GALK2: variants seen among roughly 807,000 people sequenced by gnomAD.
GALK2 encodes galactokinase 2, also known as N-acetylgalactosamine kinase.
In GALK2, 36 loss-of-function variants were observed where a neutral mutation model predicts 52.4. The observed-to-expected ratio is 0.69, with a 90% CI of 0.53 to 0.91. The LOEUF is 0.91. Ranked by LOEUF, GALK2 falls within the 40% of genes least tolerant of loss-of-function variation. The pLI, the probability that GALK2 is intolerant of heterozygous loss-of-function variation, is 0.00. For synonymous variants in GALK2, 176 were observed against 199.1 expected (o/e 0.88, Z 0.98); for missense variants, 579 against 559.1 (o/e 1.04, Z -0.36).
intron 8 of GALK2, among the ~76,000 whole-genome samples, chr15:49,295,241 A>G (rs1339471414): frequency 2.0e-5 from 3 of 152,020 alleles, no homozygotes; most frequent in South Asian, 2.1e-4. Context: ...AATCCAAGGT[A>G]TGGATAACTG....
At chr15:49,229,013 G>A (rs1295159612) in intron 3 of GALK2, among the ~76,000 whole-genome samples, 2 of 151,908 alleles carry the variant, frequency 1.3e-5, no homozygotes, top group Non-Finnish European at 2.9e-5. Flanking sequence ...CTTTTTAAAT[G>A]TCATTACTTT....
intron 9 of GALK2, among the ~76,000 whole-genome samples, chr15:49,323,253 C>A (rs572946579): frequency 2.6e-5 from 4 of 152,142 alleles, no homozygotes; most frequent in Non-Finnish European, 1.5e-5. Context: ...GTGTGAGCCA[C>A]TGGTGCCACA....
At chr15:49,183,499 C>G (rs1324611115) in intron 1 of GALK2, among the ~76,000 whole-genome samples, 1 of 152,050 alleles carries the variant, frequency 6.6e-6, no homozygotes, top group Non-Finnish European at 1.5e-5. Flanking sequence ...AGTTTTATTC[C>G]ATTGTTTTCA....
intron 5 of GALK2, among the ~76,000 whole-genome samples, chr15:49,271,247 G>A (rs990491166): frequency 6.6e-6 from 1 of 152,138 alleles, no homozygotes; most frequent in Non-Finnish European, 1.5e-5. Context: ...CCATCAGGCC[G>A]GCCAGGCTCC....
chr15:49,329,894 TA>T lies in GALK2; in HGVS notation c.*1740del, dbSNP rs1392540373. ...TGATTTCTTCTTCACAAAAGGTGAG[TA>T]AAAATTTCCAATGTGCACTCTTCTT... On this transcript the variant is annotated 3_prime_UTR_variant, in exon 10 of 10. Coordinates refer to ENST00000560031, the MANE Select transcript of GALK2 (RefSeq NM_002044.4). 4.9e-6 allele frequency: 2 copies of T among 410,310 alleles called. No individual in the cohort carries two copies. Among genetic ancestry groups the T allele is most frequent in the Non-Finnish European group, 3.3e-6 (1 of 305,136 alleles). The allele number at this position is 410,310 out of a possible 1,614,324, so 25.4% of individuals were successfully genotyped here.
chr15:49,282,705 GC>G (rs910056367), intron 6 of GALK2, among the ~76,000 whole-genome samples: 76 of 152,128 alleles, frequency 5.0e-4, no homozygotes, highest in African/African-American at 1.8e-3. Context: ...CCAAAATAGA[GC>G]AAACATTTCT....
intron 3 of GALK2, among the ~76,000 whole-genome samples, chr15:49,360,715 A>G (rs2044073002): frequency 1.3e-5 from 2 of 152,206 alleles, no homozygotes; most frequent in South Asian, 4.1e-4. Context: ...ATATCAAGTG[A>G]CCAAGTTTTT....
chr15:49,181,885 A>G (rs1426501822), intron 1 of GALK2, among the ~76,000 whole-genome samples: 1 of 151,886 alleles, frequency 6.6e-6, no homozygotes, highest in Non-Finnish European at 1.5e-5. Flanking sequence ...AGATGTATAT[A>G]TTTATGGGGT....
Position 49,367,710 on chromosome 15 carries a change from T to G in GALK2, c.*174T>G, listed in dbSNP as rs534054758. The G allele has an allele frequency of 3.6e-6, 4 of 1,106,598 alleles. No homozygotes were observed. In the South Asian group the frequency reaches 6.7e-5, roughly 19 times the overall value. 68.5% of individuals were successfully genotyped at this position (1,106,598 alleles called of 1,614,324 possible). A position where few individuals can be genotyped will look rare whatever the true frequency, so the allele number is the denominator to read the frequency against. On this transcript the variant is annotated 3_prime_UTR_variant, in exon 4 of 4. Coordinates refer to the GALK2 transcript ENST00000558399. The stretch of plus-strand genomic sequence containing the variant: ...TATTTAGCATAAAGTTACCATTTGA[T>G]ATATTAAAATAAAGGAAATTCTACA...
Position 49,329,791 on chromosome 15 carries a change from A to G in GALK2, c.*1632A>G. On this transcript the variant is annotated 3_prime_UTR_variant, in exon 10 of 10. Transcript: ENST00000560031. Reference sequence around the variant, plus strand: ...GTGGTTGGTATATAATTCTTTAAAGATACCTGGATCAGTGTAAAAAAAAAA... The same window carrying G: ...GTGGTTGGTATATAATTCTTTAAAGGTACCTGGATCAGTGTAAAAAAAAAA... The G allele has an allele frequency of 1.1e-6, 1 of 936,222 alleles. No homozygotes were observed. The highest frequency in any genetic ancestry group is 6.3e-5 in the Admixed American group (1 of 15,796). The allele number at this position is 936,222 out of a possible 1,614,324, so 58.0% of individuals were successfully genotyped here.
rs138604475 is a variant in GALK2, at chr15:49,340,523, T to C, written c.426+20718T>C. ...AAATGCAGAAGTCACCTGTCTTCTG[T>C]GTCAATCTTGCTGGAAGCTGCAGAC... is the stretch of plus-strand genomic sequence containing the variant. On this transcript the variant is annotated intron_variant, in intron 3 of 3. Coordinates refer to the GALK2 transcript ENST00000558399. Among the ~76,000 whole-genome samples the C allele has an allele frequency of 1.9e-3, 285 of 152,050 alleles. 1 individual carries two copies. Among genetic ancestry groups the C allele is most frequent in the African/African-American group, 6.4e-3 (264 of 41,464 alleles).
chr15:49,264,787 T>G (rs897452849), intron 5 of GALK2, among the ~76,000 whole-genome samples: 2 of 152,226 alleles, frequency 1.3e-5, no homozygotes, highest in Admixed American at 1.3e-4. Flanking sequence ...GTTTTCCTTC[T>G]AACAGACAGG....
intron 3 of GALK2, among the ~76,000 whole-genome samples, chr15:49,351,621 G>A (rs1325949696): frequency 6.6e-6 from 1 of 152,196 alleles, no homozygotes; most frequent in East Asian, 1.9e-4. Flanking sequence ...CGGACCTAAA[G>A]ACAAAGATCA....
Position 49,330,741 on chromosome 15 carries a change from A to G in GALK2, c.*2582A>G, listed in dbSNP as rs1567081477. The G allele has an allele frequency of 6.7e-6, 1 of 149,150 alleles. No homozygotes were observed. The highest frequency in any genetic ancestry group is 2.1e-4 in the South Asian group (1 of 4,678). The allele number at this position is 149,150 out of a possible 1,614,324, so 9.2% of individuals were successfully genotyped here. On this transcript the variant is annotated 3_prime_UTR_variant, in exon 10 of 10. Transcript: ENST00000560031. ...TCCCTATCAATAGTAGGGAAGATAGACCAAAAAAAAAAAAAAAGAGAGAAA... is the reference window on the plus strand; with the variant it reads ...TCCCTATCAATAGTAGGGAAGATAGGCCAAAAAAAAAAAAAAAGAGAGAAA...
intron 7 of GALK2, among the ~76,000 whole-genome samples, chr15:49,290,455 G>T (rs1190173845): frequency 1.3e-5 from 2 of 152,194 alleles, no homozygotes; most frequent in African/African-American, 4.8e-5. Flanking sequence ...CTATGTTAGT[G>T]CCTCAATCTG....
upstream of GALK2, among the ~76,000 whole-genome samples, chr15:49,166,698 G>A (rs1251748206): frequency 2.0e-5 from 3 of 152,118 alleles, no homozygotes; most frequent in South Asian, 2.1e-4. Context: ...CAACAAGAGC[G>A]AGACTTGGTC....
At chr15:49,255,439 T>A (rs1488676723) in intron 5 of GALK2, among the ~76,000 whole-genome samples, 1 of 143,506 alleles carries the variant, frequency 7.0e-6, no homozygotes, top group Admixed American at 7.1e-5. Context: ...TTTTGTCTTT[T>A]ATGACACTGA....
At chr15:49,327,877 G>A (rs1201193721) in intron 9 of GALK2, 75 bp from the exon 10 acceptor site, 6 of 1,403,288 alleles carry the variant, frequency 4.3e-6, no homozygotes, top group Middle Eastern at 3.8e-4. Context: ...GATAGGCTAT[G>A]TGTTCTACAA....
intron 3 of GALK2, among the ~76,000 whole-genome samples, chr15:49,230,071 A>T (rs1433590680): frequency 1.3e-5 from 2 of 152,070 alleles, no homozygotes; most frequent in African/African-American, 4.8e-5. Flanking sequence ...AGCAGTTAGC[A>T]CTCGTGGTGT....
Sources: gnomAD v4.1 joint callset for allele counts (sites outside exome capture counted in the v4.1 genomes callset) on GRCh38, gnomAD v4.1.1 for gene constraint, MANE v1.5 for transcripts, NCBI Gene and HGNC (gene_info 2026-07-23, HGNC 2026-07-21) for gene names.